Variants in DDX10 observed in about 807,000 individuals in gnomAD.
DDX10 encodes DEAD-box helicase 10.
Under a neutral mutation model 104.3 loss-of-function variants are expected in DDX10, and 74 were observed. The ratio of observed to expected loss-of-function variants is 0.71; its 90% CI spans 0.59 to 0.86. The LOEUF (loss-of-function observed/expected upper bound fraction) is 0.86, where lower values mean the gene tolerates loss of function less well. Among genes scored for constraint, DDX10 ranks in the 40% least tolerant of loss-of-function variants. The probability of loss-of-function intolerance (pLI) is 0.00; values close to 1 mark genes in which losing one functional copy is unlikely to be tolerated. For synonymous variants in DDX10, 351 were observed against 353.4 expected (o/e 0.99, Z 0.08); for missense variants, 952 against 1,040.0 (o/e 0.92, Z 1.16).
At chr11:108,883,812 A>G (rs768194594) in intron 16 of DDX10, among the ~76,000 whole-genome samples, 1 of 152,178 alleles carries the variant, frequency 6.6e-6, no homozygotes, top group Non-Finnish European at 1.5e-5. Flanking sequence ...CCTTTGACAC[A>G]GTTGTCTGTT....
rs994680848 is a variant in DDX10 at position 108,709,548 on chromosome 11, T to C, written c.1322+2711T>C. Among the ~76,000 whole-genome samples the C allele has an allele frequency of 6.6e-5, 10 of 152,358 alleles. 1 individual carries two copies. The highest frequency in any genetic ancestry group is 2.4e-4 in the African/African-American group (10 of 41,592). ...ATTCAAGGAATTGGTCCATTTCATC[T>C]AGGTTATCAAATATGTGGGCATAGA... On this transcript the variant is annotated intron_variant, in intron 10 of 17. Coordinates refer to ENST00000322536, the MANE Select transcript of DDX10 (RefSeq NM_004398.4).
intron 13 of DDX10, among the ~76,000 whole-genome samples, chr11:108,742,364 G>A (rs2094326258): frequency 6.6e-6 from 1 of 151,644 alleles, no homozygotes; most frequent in Non-Finnish European, 1.5e-5. Flanking sequence ...TGAGGAGTTC[G>A]AGACCAGCCT....
chr11:108,911,553 C>CTTTT, intron 16 of DDX10, among the ~76,000 whole-genome samples: 1 of 117,146 alleles, frequency 8.5e-6, no homozygotes, highest in Non-Finnish European at 1.7e-5. Flanking sequence ...TTTGCCTCCT[C>CTTTT]TTCTTTTTTT....
At chr11:108,685,142 G>T (rs546368542) in intron 6 of DDX10, among the ~76,000 whole-genome samples, 46 of 151,744 alleles carry the variant, frequency 3.0e-4, no homozygotes, top group Admixed American at 7.2e-4. Flanking sequence ...TTTCTCCCAT[G>T]TTGTAGGTTG....
intron 13 of DDX10, among the ~76,000 whole-genome samples, chr11:108,734,724 T>A (rs2134488678): frequency 6.6e-6 from 1 of 152,334 alleles, no homozygotes; most frequent in South Asian, 2.1e-4. Context: ...CAGGCCGTAT[T>A]TATCTTTATT....
chr11:108,730,869 A>G (rs1279349765), intron 13 of DDX10, among the ~76,000 whole-genome samples: 1 of 150,900 alleles, frequency 6.6e-6, no homozygotes, highest in Non-Finnish European at 1.5e-5. Flanking sequence ...TTTTACTGTA[A>G]TAAATTTAAA....
At chr11:108,890,630 C>T (rs1460692093) in intron 16 of DDX10, among the ~76,000 whole-genome samples, 1 of 151,668 alleles carries the variant, frequency 6.6e-6, no homozygotes, top group East Asian at 1.9e-4. Flanking sequence ...TGGAGAGCTC[C>T]TCATTCATTA....
rs1405290085 is a variant in DDX10, at chr11:108,841,399, A to G, written c.2170A>G (p.Lys724Glu). ...TGACACAGGTGGTATCAACTTACAT[A>G]AAGCAAAGGAAAGACTTCAGGAAGA... ...DDDTGGINLH[K>E]AKERLQEEDK... The change falls in exon 15 of 18, where the codon AAA becomes GAA. Residue 724 changes from lysine (K) to glutamate (E), a missense_variant. Coordinates refer to ENST00000322536, the MANE Select transcript of DDX10 (RefSeq NM_004398.4). The G allele has an allele frequency of 6.2e-7, 1 of 1,613,858 alleles. No individual in the cohort carries two copies. The highest frequency in any genetic ancestry group is 1.3e-5 in the African/African-American group (1 of 74,924).
chr11:108,723,620 A>G (rs1219670184), intron 13 of DDX10, among the ~76,000 whole-genome samples, 158 bp downstream of exon 13: 1 of 152,174 alleles, frequency 6.6e-6, no homozygotes, highest in Non-Finnish European at 1.5e-5. Context: ...AACACAGAAT[A>G]AGTGCCAATG....
intron 13 of DDX10, among the ~76,000 whole-genome samples, chr11:108,817,599 C>T (rs1473367656): frequency 6.6e-6 from 1 of 152,222 alleles, no homozygotes; most frequent in Non-Finnish European, 1.5e-5. Flanking sequence ...GCAAACTCTA[C>T]TGTACCCCAG....
At chr11:108,711,140 C>T (rs1246807095) in intron 10 of DDX10, among the ~76,000 whole-genome samples, 1 of 152,230 alleles carries the variant, frequency 6.6e-6, no homozygotes, top group African/African-American at 2.4e-5. Flanking sequence ...TGGCCCATGA[C>T]TGTATATGCA....
chr11:108,829,684 C>T (rs1316568834), intron 13 of DDX10, among the ~76,000 whole-genome samples: 8 of 152,216 alleles, frequency 5.3e-5, no homozygotes, highest in South Asian at 2.1e-4. Flanking sequence ...AGGGTTTTTC[C>T]GATGTTATCT....
chr11:108,752,336 A>G (rs760663449), intron 13 of DDX10, among the ~76,000 whole-genome samples: 30 of 152,106 alleles, frequency 2.0e-4, no homozygotes, highest in Non-Finnish European at 3.5e-4. Context: ...TGCATCTGTC[A>G]GTGTATGCAG....
chr11:108,804,304 C>A (rs1862066743), intron 13 of DDX10, among the ~76,000 whole-genome samples: 2 of 151,862 alleles, frequency 1.3e-5, no homozygotes, highest in South Asian at 4.2e-4. Context: ...TTGCAGTCAG[C>A]CTGGTCAACA....
At chr11:108,691,283 T>C (rs1053383877) in intron 7 of DDX10, among the ~76,000 whole-genome samples, 1 of 152,210 alleles carries the variant, frequency 6.6e-6, no homozygotes, top group Admixed American at 6.5e-5. Context: ...TCCTTTGAGT[T>C]TGTTTTATTT....
chr11:108,925,855 T>C (rs1262057012), intron 17 of DDX10, among the ~76,000 whole-genome samples: 2 of 152,208 alleles, frequency 1.3e-5, no homozygotes, highest in African/African-American at 4.8e-5. Flanking sequence ...TTATAAGTGA[T>C]GTTTTGGTGG....
intron 13 of DDX10, among the ~76,000 whole-genome samples, chr11:108,767,628 CT>C (rs1188166344): frequency 6.6e-6 from 1 of 152,156 alleles, no homozygotes; most frequent in Non-Finnish European, 1.5e-5. Context: ...TATTTTATCC[CT>C]TGTCCTTTAC....
intron 13 of DDX10, among the ~76,000 whole-genome samples, chr11:108,811,973 A>G (rs1007396139): frequency 1.3e-5 from 2 of 152,108 alleles, no homozygotes; most frequent in African/African-American, 4.8e-5. Context: ...TTGCAGTTAT[A>G]CTTATGTGGA....
rs531448077 is a variant in DDX10, at chr11:108,895,901, G to A, written c.2305-21972G>A. ...TACTAAATTGTTTTCTTCCTTTGTG[G>A]TGATAGTTTGTGATTTGAAATAAAC... is the stretch of plus-strand genomic sequence containing the variant. On this transcript the variant is annotated intron_variant, in intron 16 of 17. Coordinates refer to ENST00000322536, the MANE Select transcript of DDX10 (RefSeq NM_004398.4). Among the ~76,000 whole-genome samples the A allele has an allele frequency of 6.8e-4, 103 of 152,158 alleles. 1 individual carries two copies. In the South Asian group the frequency reaches 0.021, roughly 31 times the overall value.
Sources: allele counts gnomAD v4.1 joint callset (sites outside exome capture counted in the v4.1 genomes callset), GRCh38; gene constraint gnomAD v4.1.1; transcripts MANE v1.5; gene names NCBI Gene and HGNC (gene_info 2026-07-23, HGNC 2026-07-21).